The following PEX7 variants were observed in gnomAD, a reference collection of about 807,000 sequenced individuals.
PEX7 encodes PTS2 receptor.
Under a neutral mutation model 47.5 loss-of-function variants are expected in PEX7, and 34 were observed. That is an observed-to-expected ratio of 0.72 (90% confidence interval 0.54 to 0.95). The LOEUF is 0.95. Among genes scored for constraint, PEX7 ranks in the 40% least tolerant of loss-of-function variants. The pLI is 0.00. For synonymous variants in PEX7, 141 were observed against 148.8 expected (o/e 0.95, Z 0.38); for missense variants, 394 against 400.3 (o/e 0.98, Z 0.13).
In PEX7 at chr6:136,877,976, T is replaced by A. The variant is rs979480330; in HGVS notation, c.803+5723T>A. 3.9e-5 allele frequency among the ~76,000 whole-genome samples: 6 copies of A among 152,314 alleles called. No homozygotes were observed. In the South Asian group the frequency reaches 1.2e-3, roughly 32 times the overall value. Reference sequence around the variant, plus strand: ...CCATTTGTTTGTGTCCTCTCTGATTTCCTTGAGCAGTGGTTTGTAGTTCTC... The same window carrying A: ...CCATTTGTTTGTGTCCTCTCTGATTACCTTGAGCAGTGGTTTGTAGTTCTC... On this transcript the variant is annotated intron_variant, in intron 8 of 9. Transcript: ENST00000318471.
intron 7 of PEX7, among the ~76,000 whole-genome samples, chr6:136,870,457 CTG>C (rs756607578): frequency 1.1e-4 from 16 of 152,162 alleles, no homozygotes; most frequent in Non-Finnish European, 2.2e-4. Context: ...GTTTTCTACT[CTG>C]TGAACAGCAG....
chr6:136,823,073 G>A, intron 1 of PEX7: 2 of 985,406 alleles, frequency 2.0e-6, no homozygotes. Context: ...CGCTGCCTCC[G>A]CCACGTGTCA....
chr6:136,887,143 A>G (rs899070857), intron 8 of PEX7, among the ~76,000 whole-genome samples: 1 of 152,188 alleles, frequency 6.6e-6, no homozygotes, highest in Non-Finnish European at 1.5e-5. Flanking sequence ...TGTATTACCT[A>G]CACACATTTG....
At chr6:136,854,209 A>G (rs1371523447) in intron 5 of PEX7, among the ~76,000 whole-genome samples, 2 of 152,010 alleles carry the variant, frequency 1.3e-5, no homozygotes, top group African/African-American at 4.8e-5. Flanking sequence ...TTTTATTATT[A>G]TTATTGAGTC....
chr6:136,837,265 G>A (rs1361960768), intron 3 of PEX7, among the ~76,000 whole-genome samples: 2 of 148,966 alleles, frequency 1.3e-5, no homozygotes, highest in African/African-American at 4.9e-5. Context: ...GGGAGGCTGA[G>A]GCGGGAGAAT....
At chr6:136,858,673 T>C (rs1774905510) in intron 5 of PEX7, among the ~76,000 whole-genome samples, 1 of 152,248 alleles carries the variant, frequency 6.6e-6, no homozygotes, top group Non-Finnish European at 1.5e-5. Context: ...GATGCCAAAT[T>C]GACAGCTTAG....
chr6:136,855,036 C>T (rs969453355), intron 5 of PEX7, among the ~76,000 whole-genome samples: 21 of 151,086 alleles, frequency 1.4e-4, no homozygotes, highest in African/African-American at 3.4e-4. Context: ...TGCAGTGAGC[C>T]GAGATAGCGC....
chr6:136,837,555 C>T (rs1211714348), intron 3 of PEX7, among the ~76,000 whole-genome samples: 2 of 152,050 alleles, frequency 1.3e-5, no homozygotes, highest in African/African-American at 2.4e-5. Flanking sequence ...AACTGAGTAG[C>T]AGTGAATATT....
chr6:136,840,306 T>A (rs1774471795), intron 3 of PEX7, among the ~76,000 whole-genome samples: 1 of 152,224 alleles, frequency 6.6e-6, no homozygotes, highest in Non-Finnish European at 1.5e-5. Flanking sequence ...CGTTCTTCTC[T>A]CTGCTTTTTT....
intron 3 of PEX7, among the ~76,000 whole-genome samples, chr6:136,843,834 C>T (rs1291371262): frequency 6.6e-6 from 1 of 151,916 alleles, no homozygotes; most frequent in Non-Finnish European, 1.5e-5. Context: ...CTGTCTTTTG[C>T]GTGAATATGG....
Position 136,825,243 on chromosome 6 carries a change from G to GATGA in PEX7, c.162_165dup (p.Ala56Ter). On this transcript the variant is annotated frameshift_variant, in exon 2 of 10. Transcript: ENST00000318471. LOFTEE classifies it high-confidence loss of function. ...TGGAACCCTACTAATATTGGATCCA[G>GATGA]ATGAAGCTGGGCTAAGGCTTTTTAG... 6.2e-7 allele frequency: 1 copy of GATGA among 1,613,912 alleles called. No homozygotes were observed. Among genetic ancestry groups the GATGA allele is most frequent in the South Asian group, 1.1e-5 (1 of 91,074 alleles).
chr6:136,877,424 C>T (rs1775295439), intron 8 of PEX7, among the ~76,000 whole-genome samples: 1 of 152,132 alleles, frequency 6.6e-6, no homozygotes, highest in South Asian at 2.1e-4. Context: ...CCTAGGTTTT[C>T]TTCTAGGGTT....
At chr6:136,846,281 CAGG>C in intron 5 of PEX7, 100 bp downstream of exon 5, 1 of 603,794 alleles carries the variant, frequency 1.7e-6, no homozygotes, top group South Asian at 2.3e-5. Context: ...AGAGAGAAAA[CAGG>C]AGAATATTAC....
intron 5 of PEX7, among the ~76,000 whole-genome samples, chr6:136,854,666 G>A (rs1485751730): frequency 6.6e-6 from 1 of 152,196 alleles, no homozygotes; most frequent in African/African-American, 2.4e-5. Context: ...TTGTAAGGAT[G>A]TGAATTAGAT....
intron 8 of PEX7, among the ~76,000 whole-genome samples, chr6:136,895,880 A>T (rs866887893): frequency 1.3e-5 from 2 of 152,174 alleles, no homozygotes; most frequent in Non-Finnish European, 2.9e-5. Flanking sequence ...TAAATACTGG[A>T]TAGTTTTTCC....
chr6:136,853,466 C>G (rs1774797109), intron 5 of PEX7, among the ~76,000 whole-genome samples: 1 of 89,148 alleles, frequency 1.1e-5, no homozygotes, highest in African/African-American at 4.6e-5. Context: ...ATAATTGTTC[C>G]TTTCTTGCTA....
At position 136,866,646 on chromosome 6, in the gene PEX7, A is replaced by G. The variant is rs775455904; in HGVS notation, c.546A>G (p.Ile182Met). The change falls in exon 6 of 10, where the codon ATA becomes ATG. Residue 182 changes from isoleucine to methionine, a missense_variant. Transcript: ENST00000318471. ...ASASGDQTLR[I>M]WDVKAAGVRI... ...TACTAGGTGATCAGACTCTGAGAATATGGGATGTGAAGGCAGCAGGAGTAA... is the reference window on the plus strand; with the variant it reads ...TACTAGGTGATCAGACTCTGAGAATGTGGGATGTGAAGGCAGCAGGAGTAA... 1 of 1,613,996 alleles carries G rather than the reference A, an allele frequency of 6.2e-7. No homozygotes were observed. The highest frequency in any genetic ancestry group is 1.1e-5 in the South Asian group (1 of 91,076).
chr6:136,905,102 T>C (rs1775823998), intron 9 of PEX7, among the ~76,000 whole-genome samples: 2 of 152,206 alleles, frequency 1.3e-5, no homozygotes, highest in Non-Finnish European at 2.9e-5. Context: ...TCAGTGTCAG[T>C]ATCTGGACGT....
At chr6:136,878,024 C>T (rs1562749459) in intron 8 of PEX7, among the ~76,000 whole-genome samples, 1 of 152,232 alleles carries the variant, frequency 6.6e-6, no homozygotes, top group East Asian at 1.9e-4. Flanking sequence ...CTTCACATCC[C>T]TTGTAAGTTG....
Sources: gnomAD v4.1 joint callset for allele counts (sites outside exome capture counted in the v4.1 genomes callset) on GRCh38, gnomAD v4.1.1 for gene constraint, MANE v1.5 for transcripts, NCBI Gene and HGNC (gene_info 2026-07-23, HGNC 2026-07-21) for gene names.